Variants in ITGA8 observed in about 807,000 individuals in gnomAD.
ITGA8 encodes integrin subunit alpha 8, also known as integrin alpha-8.
Under a neutral mutation model 142.3 loss-of-function variants are expected in ITGA8, and 91 were observed. The observed-to-expected ratio is 0.64, with a 90% CI of 0.54 to 0.76. ITGA8 has a LOEUF of 0.76. Ranked by LOEUF, ITGA8 falls within the 30% of genes least tolerant of loss-of-function variation. The pLI is 0.00. For synonymous variants in ITGA8, 505 were observed against 485.2 expected (o/e 1.04, Z -0.54); for missense variants, 1,406 against 1,327.7 (o/e 1.06, Z -0.92).
chr10:15,573,828 G>T (rs1834232970), intron 24 of ITGA8, among the ~76,000 whole-genome samples: 1 of 151,572 alleles, frequency 6.6e-6, no homozygotes, highest in South Asian at 2.1e-4. Context: ...CTGGTCCCTT[G>T]AAAACGAATA....
rs35672275 is a variant in ITGA8, at chr10:15,604,578, CAAA to C, written c.1971-226_1971-224del. On this transcript the variant is annotated intron_variant, in intron 19 of 29. Transcript: ENST00000378076. ...TGGTAAATGTTTAACAACCAGTTCT[CAAA>C]AAAAAAAAAAAAAAAAAAAGGATTG... is the stretch of plus-strand genomic sequence containing the variant. Among the ~76,000 whole-genome samples, 23,801 of 85,590 alleles carry C rather than the reference CAAA, an allele frequency of 0.28. 1,887 individuals carry two copies. The highest frequency in any genetic ancestry group is 0.36 in the Non-Finnish European group (15,392 of 42,492). 56.2% of individuals were successfully genotyped at this position (85,590 alleles called of 152,430 possible). A position where few individuals can be genotyped will look rare whatever the true frequency, so the allele number is the denominator to read the frequency against.
chr10:15,646,534 CA>C (rs1296832615), intron 12 of ITGA8, among the ~76,000 whole-genome samples: 1 of 152,002 alleles, frequency 6.6e-6, no homozygotes, highest in African/African-American at 2.4e-5. Context: ...GTGTCTTCTA[CA>C]AGGAGATCAA....
chr10:15,652,037 G>A (rs1322283150), intron 11 of ITGA8, among the ~76,000 whole-genome samples: 3 of 152,006 alleles, frequency 2.0e-5, no homozygotes, highest in Non-Finnish European at 2.9e-5. Context: ...AAAATACTAC[G>A]TAATAAAAAA....
chr10:15,708,443 A>G (rs1438467185), intron 2 of ITGA8, among the ~76,000 whole-genome samples: 1 of 152,070 alleles, frequency 6.6e-6, no homozygotes, highest in Non-Finnish European at 1.5e-5. Flanking sequence ...TGTTGGTATA[A>G]ACGTCTCACT....
chr10:15,617,643 C>A (rs1159015336), intron 13 of ITGA8, among the ~76,000 whole-genome samples: 2 of 151,972 alleles, frequency 1.3e-5, no homozygotes, highest in Non-Finnish European at 2.9e-5. Context: ...TCATGATCCA[C>A]CCGCCTCGGC....
intron 20 of ITGA8, among the ~76,000 whole-genome samples, chr10:15,597,699 A>T (rs1833032673): frequency 6.6e-6 from 1 of 152,232 alleles, no homozygotes. Flanking sequence ...TGTATAGATT[A>T]TCATATGATT....
At chr10:15,671,682 T>C in intron 7 of ITGA8, 35 bp from the exon 8 acceptor site, 6 of 1,538,104 alleles carry the variant, frequency 3.9e-6, no homozygotes, top group Non-Finnish European at 5.4e-6. Context: ...CTAATCACAC[T>C]TAATGACTTA....
chr10:15,684,968 A>C (rs1041951947), intron 3 of ITGA8, among the ~76,000 whole-genome samples: 6 of 152,130 alleles, frequency 3.9e-5, no homozygotes, highest in Non-Finnish European at 8.8e-5. Context: ...TTAAACAATG[A>C]CTTTCATCTG....
intron 27 of ITGA8, 131 bp from the exon 28 acceptor site, chr10:15,531,282 CTT>C (rs536530119): frequency 5.5e-4 from 267 of 487,154 alleles, no homozygotes; most frequent in Non-Finnish European, 8.4e-4. Flanking sequence ...AATTTTCTCT[CTT>C]TTAACTTTTT....
chr10:15,689,086 A>G (rs1259363165), intron 2 of ITGA8, among the ~76,000 whole-genome samples: 2 of 152,242 alleles, frequency 1.3e-5, no homozygotes, highest in Admixed American at 6.5e-5. Context: ...TATATATAGA[A>G]TGCCCTAAAG....
chr10:15,528,967 C>CTTCT (rs985563754), intron 28 of ITGA8, among the ~76,000 whole-genome samples: 7 of 149,182 alleles, frequency 4.7e-5, no homozygotes, highest in African/African-American at 1.7e-4. Flanking sequence ...CCTTTCCTTC[C>CTTCT]TTCTTTCTTT....
At chr10:15,659,713 G>A (rs1001610555) in intron 9 of ITGA8, among the ~76,000 whole-genome samples, 16 of 152,228 alleles carry the variant, frequency 1.1e-4, no homozygotes, top group Admixed American at 2.6e-4. Context: ...GAAACCATCC[G>A]GGTAGGCTCT....
rs573490370 is a variant in ITGA8, at chr10:15,636,160, A to G, written c.1399+7870T>C. Among the ~76,000 whole-genome samples, 3 of 152,152 alleles carry G rather than the reference A, an allele frequency of 2.0e-5. No individual in the cohort carries two copies. The South Asian group carries it at 6.2e-4, about 32-fold the overall frequency. Reference sequence around the variant, plus strand: ...TGTACCGCCCCTCCTCCACCTTCCAATGCCTGAGCTATGCATTTAACAGAT... The same window carrying G: ...TGTACCGCCCCTCCTCCACCTTCCAGTGCCTGAGCTATGCATTTAACAGAT... On this transcript the variant is annotated intron_variant, in intron 13 of 29. Coordinates refer to ENST00000378076, the MANE Select transcript of ITGA8 (RefSeq NM_003638.3).
At chr10:15,672,898 A>T (rs1834554691) in intron 6 of ITGA8, 149 bp from the exon 7 acceptor site, 1 of 752,074 alleles carries the variant, frequency 1.3e-6, no homozygotes, top group Non-Finnish European at 2.0e-6. Context: ...TCCAAGGCAG[A>T]GTTAGTTACA....
intron 2 of ITGA8, among the ~76,000 whole-genome samples, chr10:15,717,568 A>C (rs1270835988): frequency 6.6e-6 from 1 of 152,200 alleles, no homozygotes; most frequent in African/African-American, 2.4e-5. Flanking sequence ...AAAGCTTATA[A>C]AAACTGGTAT....
At chr10:15,593,671 G>A (rs960707118) in intron 21 of ITGA8, among the ~76,000 whole-genome samples, 15 of 152,160 alleles carry the variant, frequency 9.9e-5, no homozygotes, top group South Asian at 2.1e-4. Context: ...AGCCCTTGCC[G>A]AATGTGCTTC....
At position 15,684,127 on chromosome 10, in the gene ITGA8, C is replaced by T. The variant is rs1373952589; in HGVS notation, c.445G>A (p.Ala149Thr). 2 of 1,604,448 alleles carry T rather than the reference C, an allele frequency of 1.2e-6. No individual in the cohort carries two copies. Among genetic ancestry groups the T allele is most frequent in the Non-Finnish European group, 1.7e-6 (2 of 1,177,716 alleles). Residue 149 changes from alanine to threonine, a missense_variant and splice_region_variant, in exon 4 of 30, where the codon GCC (alanine) becomes ACC (threonine). Coordinates refer to ENST00000378076, the MANE Select transcript of ITGA8 (RefSeq NM_003638.3). The part of the protein sequence containing the change: ...TVKAHKGKVV[A>T]CAPLYHWRTL... ...CTCCAGTGATATAAAGGAGCACAGG[C>T]CTAGGAAACATCAAAGACAAAAAAA...
intron 2 of ITGA8, among the ~76,000 whole-genome samples, chr10:15,710,488 A>T (rs978357970): frequency 3.3e-5 from 5 of 152,270 alleles, no homozygotes; most frequent in African/African-American, 1.2e-4. Context: ...TCCTGGTGGG[A>T]ACTATAGGAG....
chr10:15,641,826 A>C (rs1833876803), intron 13 of ITGA8, among the ~76,000 whole-genome samples: 1 of 152,206 alleles, frequency 6.6e-6, no homozygotes, highest in Non-Finnish European at 1.5e-5. Flanking sequence ...AAGGGAAGAA[A>C]AAGACATAAT....
Sources: gnomAD v4.1 joint callset for allele counts (sites outside exome capture counted in the v4.1 genomes callset) on GRCh38, gnomAD v4.1.1 for gene constraint, MANE v1.5 for transcripts, NCBI Gene and HGNC (gene_info 2026-07-23, HGNC 2026-07-21) for gene names.